TERT: variants seen among roughly 807,000 people sequenced by gnomAD.
TERT encodes the protein telomerase reverse transcriptase, also known as telomerase catalytic subunit.
TERT carries 42 observed loss-of-function variants against 104.0 expected under a neutral mutation model. The ratio of observed to expected loss-of-function variants is 0.40; its 90% CI spans 0.32 to 0.52. The LOEUF is 0.52. Ranked by LOEUF, TERT falls within the 20% of genes least tolerant of loss-of-function variation. TERT has a pLI of 0.43. For synonymous variants in TERT, 781 were observed against 725.6 expected, an observed-to-expected ratio of 1.08 and a Z score of -1.23; for missense variants, 1,101 against 1,610.3, an observed-to-expected ratio of 0.68 and a Z score of 5.41.
chr5:1,282,326 GC>G, intron 3 of TERT, 102 bp downstream of exon 3: 1 of 1,287,714 alleles, frequency 7.8e-7, no homozygotes, highest in East Asian at 2.3e-5. Flanking sequence ...GCCCAGAGCT[GC>G]ACAGCCAGGG....
In TERT at chr5:1,253,645, C is replaced by T. The variant is rs533940688; in HGVS notation, c.*83G>A. The T allele has an allele frequency of 1.7e-4, 209 of 1,235,480 alleles. No individual in the cohort carries two copies. The highest frequency in any genetic ancestry group is 3.7e-4 in the Admixed American group (19 of 50,998). The allele number at this position is 1,235,480 out of a possible 1,614,324, so 76.5% of individuals were successfully genotyped here. A position where few individuals can be genotyped will look rare whatever the true frequency, so the allele number is the denominator to read the frequency against. ...CAGCGGTGCGGGCCTGGGTGTGGGC[C>T]GCCCCTCCCTCCCTGGGACGTAGAG... On this transcript the variant is annotated 3_prime_UTR_variant, in exon 16 of 16. Coordinates refer to ENST00000310581, the MANE Select transcript of TERT (RefSeq NM_198253.3).
intron 11 of TERT, 113 bp from the exon 12 acceptor site, chr5:1,260,713 G>A: frequency 6.7e-7 from 1 of 1,492,912 alleles, no homozygotes; most frequent in Admixed American, 1.8e-5. Flanking sequence ...TGTCCTGCCT[G>A]GGGCATGCGC....
chr5:1,294,643 C>T lies in TERT; in HGVS notation c.243G>A (p.Val81=). 1.3e-6 allele frequency: 2 copies of T among 1,596,156 alleles called. No individual in the cohort carries two copies. Among genetic ancestry groups the T allele is most frequent in the African/African-American group, 1.3e-5 (1 of 74,936 alleles). Residue 81 remains valine, a synonymous_variant, in exon 2 of 16, where the codon GTG becomes GTA. Transcript: ENST00000310581. ...FRQVSCLKEL[V]ARVLQRLCER... ...CGCACAGCCTCTGCAGCACTCGGGC[C>T]ACCAGCTCCTTCAGGCAGGACACCT...
In TERT at chr5:1,271,189, C is replaced by T; in HGVS notation, c.2398G>A (p.Glu800Lys). 1 of 1,613,172 alleles carries T rather than the reference C, an allele frequency of 6.2e-7. No individual in the cohort carries two copies. The highest frequency in any genetic ancestry group is 8.5e-7 in the Non-Finnish European group (1 of 1,179,974). ...VVIEQSSSLN[E>K]ASSGLFDVFL... ...ACGTCGAAGAGGCCACTGCTGGCCT[C>T]ATTCAGGGAGGAGCTCTGCGAAAGC... The change falls in exon 8 of 16, where the codon GAG (glutamate) becomes AAG (lysine). Residue 800 changes from glutamate (E) to lysine (K), a missense_variant. Physicochemically the swap from Glu to Lys is moderately conservative, Grantham distance 56 (BLOSUM62 1). Around this residue, in one of 5 missense-constraint regions of TERT, gnomAD observed 463 missense variants for 797.5 expected, o/e 0.58. Coordinates refer to ENST00000310581, the MANE Select transcript of TERT (RefSeq NM_198253.3).
rs879473072 is a variant in TERT at position 1,263,095 on chromosome 5, T to C, written c.2843+1309A>G. Among the ~76,000 whole-genome samples, 2 of 152,124 alleles carry C rather than the reference T, an allele frequency of 1.3e-5. No individual in the cohort carries two copies. Among genetic ancestry groups the C allele is most frequent in the Non-Finnish European group, 2.9e-5 (2 of 68,020 alleles). Reference sequence around the variant, plus strand: ...GGTGTCTGCACCTGCCACTCCCCCATCATGAGGGCGTCTGCACCTGCTGCT... The same window carrying C: ...GGTGTCTGCACCTGCCACTCCCCCACCATGAGGGCGTCTGCACCTGCTGCT... On this transcript the variant is annotated intron_variant, in intron 11 of 15. Transcript: ENST00000310581. This position sits in a 1 kb window ranked among gnomAD's most constrained non-coding sequence, Gnocchi z 5.3.
chr5:1,254,318 G>A (rs757808563), intron 15 of TERT, 50 bp downstream of exon 15: 3 of 1,611,952 alleles, frequency 1.9e-6, no homozygotes, highest in South Asian at 2.2e-5. Context: ...GGGCGTTCAA[G>A]GATGACCCCT....
At chr5:1,275,721 A>C (rs1749515531) in intron 6 of TERT, among the ~76,000 whole-genome samples, 1 of 132,968 alleles carries the variant, frequency 7.5e-6, no homozygotes, top group African/African-American at 2.9e-5. Context: ...CATAAAAACC[A>C]ATCCCACAGA....
intron 3 of TERT, among the ~76,000 whole-genome samples, chr5:1,280,544 T>C (rs958358321): frequency 1.3e-5 from 2 of 152,188 alleles, no homozygotes; most frequent in Non-Finnish European, 2.9e-5. Flanking sequence ...CCTGGACACC[T>C]GGTCCTATAG....
rs1454251003 is a variant in TERT, at chr5:1,257,978, C to T, written c.3032+620G>A. ...CTTGTGCCACCACCTGCCCTGACTC[C>T]AGGCAGAAGCTGGCCCTGTGGCCTC... On this transcript the variant is annotated intron_variant, in intron 13 of 15. Coordinates refer to ENST00000310581, the MANE Select transcript of TERT (RefSeq NM_198253.3). The surrounding 1 kb of genome is among the most constrained non-coding windows in gnomAD (Gnocchi z 5.6). Among the ~76,000 whole-genome samples the T allele has an allele frequency of 6.6e-6, 1 of 152,232 alleles. No homozygotes were observed. Among genetic ancestry groups the T allele is most frequent in the Non-Finnish European group, 1.5e-5 (1 of 68,044 alleles).
chr5:1,264,118 C>T (rs979217242), intron 11 of TERT: 11 of 485,798 alleles, frequency 2.3e-5, no homozygotes, highest in African/African-American at 3.9e-5. Flanking sequence ...GTCTTGGGTT[C>T]GGATCCAGAC....
Position 1,279,485 on chromosome 5 carries a change from A to G in TERT, c.1951-15T>C, listed in dbSNP as rs368941345. ...AGACGCTCGGCCTGGCGGGGACAGC[A>G]TGGGAGACAGTCAGGAAAGTGGATC... On this transcript the variant is annotated splice_polypyrimidine_tract_variant and intron_variant, in intron 4 of 15. Coordinates refer to ENST00000310581, the MANE Select transcript of TERT (RefSeq NM_198253.3). 2 of 1,548,204 alleles carry G rather than the reference A, an allele frequency of 1.3e-6. No homozygotes were observed. The highest frequency in any genetic ancestry group is 1.7e-6 in the Non-Finnish European group (2 of 1,146,952).
In TERT at chr5:1,254,476, C is replaced by T. The variant is rs938938578; in HGVS notation, c.3187G>A (p.Gly1063Ser). 1.9e-6 allele frequency: 3 copies of T among 1,612,738 alleles called. No individual in the cohort carries two copies. Among genetic ancestry groups the T allele is most frequent in the Non-Finnish European group, 2.5e-6 (3 of 1,179,888 alleles). The change falls in exon 15 of 16, where the codon GGC (glycine) becomes AGC (serine). Residue 1063 changes from glycine to serine, a missense_variant. By Grantham distance (56) the Gly-to-Ser change is moderately conservative. Around this residue, in one of 5 missense-constraint regions of TERT, gnomAD observed 463 missense variants for 797.5 expected, o/e 0.58. Coordinates refer to ENST00000310581, the MANE Select transcript of TERT (RefSeq NM_198253.3). ...GMSLGAKGAA[G>S]PLPSEAVQWL... ...TGCACGGCCTCGGAGGGCAGAGGGCCGGCGGCGCCCTTGGCCCCCAGCGAC... is the reference window on the plus strand; with the variant it reads ...TGCACGGCCTCGGAGGGCAGAGGGCTGGCGGCGCCCTTGGCCCCCAGCGAC...
At chr5:1,284,851 G>T (rs1750366094) in intron 2 of TERT, among the ~76,000 whole-genome samples, 1 of 137,200 alleles carries the variant, frequency 7.3e-6, no homozygotes, top group South Asian at 2.4e-4. Context: ...CGCATATCCA[G>T]CTCACCGCAC....
Position 1,279,486 on chromosome 5 carries a change from T to A in TERT, c.1951-16A>T. 6.5e-7 allele frequency: 1 copy of A among 1,548,134 alleles called. No homozygotes were observed. The highest frequency in any genetic ancestry group is 2.3e-4 in the Middle Eastern group (1 of 4,440). On this transcript the variant is annotated splice_polypyrimidine_tract_variant and intron_variant, in intron 4 of 15. Transcript: ENST00000310581. Reference sequence around the variant, plus strand: ...GACGCTCGGCCTGGCGGGGACAGCATGGGAGACAGTCAGGAAAGTGGATCC... The same window carrying A: ...GACGCTCGGCCTGGCGGGGACAGCAAGGGAGACAGTCAGGAAAGTGGATCC...
rs1436697048 is a variant in TERT, at chr5:1,294,867, G to C, written c.123C>G (p.Arg41=). The change falls in exon 1 of 16, where the codon CGC becomes CGG. Residue 41 remains arginine (R), a synonymous_variant. Coordinates refer to ENST00000310581, the MANE Select transcript of TERT (RefSeq NM_198253.3). The part of the protein sequence containing the change: ...LGPQGWRLVQ[R]GDPAAFRALV... ...GCGCGCGGAAAGCCGCCGGGTCCCC[G>C]CGCTGCACCAGCCGCCAGCCCTGGG... The C allele has an allele frequency of 6.9e-7, 1 of 1,451,528 alleles. No individual in the cohort carries two copies. Among genetic ancestry groups the C allele is most frequent in the Non-Finnish European group, 9.0e-7 (1 of 1,109,400 alleles). The allele number at this position is 1,451,528 out of a possible 1,614,324, so 89.9% of individuals were successfully genotyped here.
chr5:1,283,595 C>T (rs1750226156), intron 2 of TERT, among the ~76,000 whole-genome samples: 1 of 146,330 alleles, frequency 6.8e-6, no homozygotes, highest in African/African-American at 2.6e-5. Context: ...TTGGCTACCT[C>T]ACCCCGGACC....
chr5:1,289,006 C>T (rs190927674), intron 2 of TERT, among the ~76,000 whole-genome samples: 6 of 152,288 alleles, frequency 3.9e-5, no homozygotes, highest in East Asian at 1.9e-4. Context: ...AATGGGCAAC[C>T]GGCGCAGCTG....
chr5:1,282,468 C>T lies in TERT; in HGVS notation c.1730G>A (p.Arg577Gln), dbSNP rs1311034283. ...TTGCAACTTGCTCCAGACACTCTTC[C>T]GGTAGAAAAAGAGCCTGTTCTTTTG... is the stretch of plus-strand genomic sequence containing the variant. Reference protein sequence around the residue: ...TFQKNRLFFYRKSVWSKLQSI... With the variant: ...TFQKNRLFFYQKSVWSKLQSI... The change falls in exon 3 of 16, where the codon CGG (arginine) becomes CAG (glutamine). Residue 577 changes from arginine (R) to glutamine (Q), a missense_variant. Coordinates refer to ENST00000310581, the MANE Select transcript of TERT (RefSeq NM_198253.3). 7 of 1,614,142 alleles carry T rather than the reference C, an allele frequency of 4.3e-6. No homozygotes were observed. The highest frequency in any genetic ancestry group is 1.7e-5 in the Admixed American group (1 of 60,026).
chr5:1,258,649 A>G lies in TERT; in HGVS notation c.2981T>C (p.Leu994Pro). The part of the protein sequence containing the change: ...SLFLDLQVNS[L>P]QTVCTNIYKI... ...GTAGATGTTGGTGCACACCGTCTGG[A>G]GGCTGTTCACCTAGAGTCGCCAAGA... Residue 994 changes from leucine (L) to proline (P), a missense_variant, in exon 13 of 16, where the codon CTC becomes CCC. This residue lies in a region of TERT where 463 missense variants were observed against 797.5 expected (regional missense o/e 0.58). Transcript: ENST00000310581. 2 of 1,569,326 alleles carry G rather than the reference A, an allele frequency of 1.3e-6. No homozygotes were observed. Among genetic ancestry groups the G allele is most frequent in the Non-Finnish European group, 8.6e-7 (1 of 1,156,178 alleles).
Sources: allele counts gnomAD v4.1 joint callset (sites outside exome capture counted in the v4.1 genomes callset), GRCh38; gene constraint gnomAD v4.1.1; regional missense constraint gnomAD v4.1.1; non-coding constraint Gnocchi (gnomAD v3.1); transcripts MANE v1.5; gene names NCBI Gene and HGNC (gene_info 2026-07-23, HGNC 2026-07-21).